The following LHX4 variants were observed in gnomAD, a reference collection of about 807,000 sequenced individuals.
LHX4 encodes LIM homeobox 4, also known as LIM/homeobox protein Lhx4.
Under a neutral mutation model 39.2 loss-of-function variants are expected in LHX4, and 16 were observed. The ratio of observed to expected loss-of-function variants is 0.41; its 90% CI spans 0.28 to 0.62. LHX4 has a LOEUF of 0.62. Among genes scored for constraint, LHX4 ranks in the 20% least tolerant of loss-of-function variants. LHX4 has a pLI of 0.33. For synonymous variants in LHX4, 206 were observed against 198.1 expected (o/e 1.04, Z -0.33); for missense variants, 439 against 511.9 (o/e 0.86, Z 1.37).
rs1339850290 is a variant in LHX4 at position 180,275,853 on chromosome 1, AG to A, written c.*1277del. On this transcript the variant is annotated 3_prime_UTR_variant, in exon 6 of 6. Transcript: ENST00000263726. ...AGAACTCTCTGGCCAGTGGTGGTGC[AG>A]GGACTCCCCGTTGTGCAGGTTTGCA... The A allele has an allele frequency of 6.6e-6, 1 of 152,230 alleles. No individual in the cohort carries two copies. Among genetic ancestry groups the A allele is most frequent in the Non-Finnish European group, 1.5e-5 (1 of 68,078 alleles). The allele number at this position is 152,230 out of a possible 1,614,324, so 9.4% of individuals were successfully genotyped here.
upstream of LHX4, among the ~76,000 whole-genome samples, chr1:180,229,972 G>GC (rs1558204981): frequency 1.8e-4 from 26 of 143,500 alleles, no homozygotes; most frequent in Non-Finnish European, 3.1e-4. Context: ...GGAGGGGGGG[G>GC]GGGTGCCGGC....
chr1:180,239,656 G>A (rs1354405004), intron 1 of LHX4, among the ~76,000 whole-genome samples: 4 of 152,240 alleles, frequency 2.6e-5, no homozygotes, highest in Non-Finnish European at 5.9e-5. Flanking sequence ...CAGAGTAAAA[G>A]AAGGTTTAGT....
At chr1:180,252,713 T>TG (rs1285896817) in intron 2 of LHX4, among the ~76,000 whole-genome samples, 1 of 152,036 alleles carries the variant, frequency 6.6e-6, no homozygotes, top group Non-Finnish European at 1.5e-5. Context: ...CCACTGGAGG[T>TG]GGGTAGTACC....
chr1:180,230,664 C>A lies in LHX4; in HGVS notation c.76+59C>A. The A allele has an allele frequency of 6.6e-7, 1 of 1,511,904 alleles. No homozygotes were observed. The highest frequency in any genetic ancestry group is 1.7e-5 in the Admixed American group (1 of 58,522). The allele number at this position is 1,511,904 out of a possible 1,614,324, so 93.7% of individuals were successfully genotyped here. On this transcript the variant is annotated intron_variant, in intron 1 of 5. Coordinates refer to ENST00000263726, the MANE Select transcript of LHX4 (RefSeq NM_033343.4). This position sits in a 1 kb window ranked among gnomAD's most constrained non-coding sequence, Gnocchi z 5.8. ...TAACAAGACAGCTAGCAGCCTCAGCCGCTGCGGGGCGGGCCGGACGCCGCT... is the reference window on the plus strand; with the variant it reads ...TAACAAGACAGCTAGCAGCCTCAGCAGCTGCGGGGCGGGCCGGACGCCGCT...
At chr1:180,274,058 G>C in intron 5 of LHX4, 127 bp from the exon 6 acceptor site, 10 of 1,197,100 alleles carry the variant, frequency 8.4e-6, no homozygotes, top group Admixed American at 1.7e-5. Context: ...TCTGACCCAT[G>C]CTTGGCTGCA....
At chr1:180,231,162 C>A (rs539407536) in intron 1 of LHX4, among the ~76,000 whole-genome samples, 15 of 151,954 alleles carry the variant, frequency 9.9e-5, no homozygotes, top group African/African-American at 3.4e-4. Context: ...CCGCCGCGTG[C>A]GCCGCGGGAA....
intron 2 of LHX4, among the ~76,000 whole-genome samples, chr1:180,255,270 A>G (rs956970135): frequency 9.9e-5 from 15 of 152,234 alleles, no homozygotes; most frequent in Admixed American, 3.9e-4. Context: ...TTGCTGAGCC[A>G]CTTATTATTT....
Position 180,274,662 on chromosome 1 carries a change from CG to C in LHX4, c.*84del. ...CAAAAGAGACTTGCCTTTTAAGGAT[CG>C]AAAGTACGCCAATGTGAATTTCCAT... On this transcript the variant is annotated 3_prime_UTR_variant, in exon 6 of 6. Coordinates refer to ENST00000263726, the MANE Select transcript of LHX4 (RefSeq NM_033343.4). 1 of 1,412,312 alleles carries C rather than the reference CG, an allele frequency of 7.1e-7. No individual in the cohort carries two copies. The highest frequency in any genetic ancestry group is 2.3e-5 in the Admixed American group (1 of 44,130). The allele number at this position is 1,412,312 out of a possible 1,614,324, so 87.5% of individuals were successfully genotyped here. A position where few individuals can be genotyped will look rare whatever the true frequency, so the allele number is the denominator to read the frequency against.
intron 2 of LHX4, among the ~76,000 whole-genome samples, chr1:180,264,339 C>G (rs182123377): frequency 9.4e-4 from 140 of 148,262 alleles, no homozygotes; most frequent in African/African-American, 3.4e-3. Context: ...TCTAGTAACA[C>G]ATGTGTAGGC....
chr1:180,267,724 T>G (rs1648382407), intron 3 of LHX4, among the ~76,000 whole-genome samples: 1 of 152,114 alleles, frequency 6.6e-6, no homozygotes, highest in Admixed American at 6.5e-5. Context: ...GAAAAAAAAT[T>G]AACAACAATT....
rs777438399 is a variant in LHX4 at position 180,234,169 on chromosome 1, T to TTA, written c.76+3615_76+3616dup. On this transcript the variant is annotated intron_variant, in intron 1 of 5. Transcript: ENST00000263726. This position sits in a 1 kb window ranked among gnomAD's most constrained non-coding sequence, Gnocchi z 4.8. ...AACAGACACACACAACACACACAAA[T>TTA]TATATATATATATATATATATATAT... Among the ~76,000 whole-genome samples, 548 of 53,284 alleles carry TTA rather than the reference T, an allele frequency of 0.01. 9 individuals carry two copies. Among genetic ancestry groups the TTA allele is most frequent in the Non-Finnish European group, 0.013 (365 of 28,288 alleles). 35.0% of individuals were successfully genotyped at this position (53,284 alleles called of 152,430 possible).
rs1648887085 is a variant in LHX4, at chr1:180,274,288, G to T, written c.882G>T (p.Gly294=). 6.2e-7 allele frequency: 1 copy of T among 1,614,230 alleles called. No homozygotes were observed. The highest frequency in any genetic ancestry group is 8.5e-7 in the Non-Finnish European group (1 of 1,180,044). ...TGAATGGGAGCTTCTCCATGGACGG[G>T]ACAGGACAATCCTATCAGGACTTGA... is the stretch of plus-strand genomic sequence containing the variant. ...QLMNGSFSMD[G]TGQSYQDLRD... Residue 294 remains glycine, a synonymous_variant, in exon 6 of 6, where the codon GGG becomes GGT. Coordinates refer to ENST00000263726, the MANE Select transcript of LHX4 (RefSeq NM_033343.4).
chr1:180,230,239 C>CG, upstream of LHX4: 3 of 461,428 alleles, frequency 6.5e-6, no homozygotes, highest in Non-Finnish European at 1.2e-5. This position sits in a 1 kb window ranked among gnomAD's most constrained non-coding sequence, Gnocchi z 5.8. Context: ...AAGGAGCGGG[C>CG]GGGGGAGGGA....
At chr1:180,254,951 G>A (rs1044716488) in intron 2 of LHX4, among the ~76,000 whole-genome samples, 1 of 152,190 alleles carries the variant, frequency 6.6e-6, no homozygotes, top group Non-Finnish European at 1.5e-5. Context: ...CGGGGTCCTG[G>A]GGTTGCTGGC....
At chr1:180,243,697 G>A (rs1432344854) in intron 1 of LHX4, among the ~76,000 whole-genome samples, 34 of 151,972 alleles carry the variant, frequency 2.2e-4, no homozygotes, top group Admixed American at 1.8e-3. Flanking sequence ...GCTGCTTCCC[G>A]CCCTCCTGTG....
At chr1:180,255,026 C>T (rs533408738) in intron 2 of LHX4, among the ~76,000 whole-genome samples, 8 of 152,224 alleles carry the variant, frequency 5.3e-5, no homozygotes, top group Non-Finnish European at 1.2e-4. Flanking sequence ...AGTGAGGAGC[C>T]GGCCTGCATT....
At chr1:180,258,288 T>TG (rs1647954043) in intron 2 of LHX4, among the ~76,000 whole-genome samples, 1 of 151,904 alleles carries the variant, frequency 6.6e-6, no homozygotes, top group Non-Finnish European at 1.5e-5. Flanking sequence ...TGCAGGTACC[T>TG]GGGGGGAGAG....
chr1:180,250,977 C>T (rs1250358615), intron 2 of LHX4, among the ~76,000 whole-genome samples: 1 of 152,156 alleles, frequency 6.6e-6, no homozygotes, highest in Non-Finnish European at 1.5e-5. Context: ...TGCCCCAAGC[C>T]CTGGCCCTCT....
chr1:180,250,892 A>G (rs7541555), intron 2 of LHX4, among the ~76,000 whole-genome samples: 51,350 of 152,080 alleles, frequency 0.34, 9,098 homozygotes, highest in Non-Finnish European at 0.38. Flanking sequence ...GGATCCCCAC[A>G]GGCCTATGAG....
Sources: gnomAD v4.1 joint callset for allele counts (sites outside exome capture counted in the v4.1 genomes callset) on GRCh38, gnomAD v4.1.1 for gene constraint, Gnocchi (gnomAD v3.1) non-coding constraint, MANE v1.5 for transcripts, NCBI Gene and HGNC (gene_info 2026-07-23, HGNC 2026-07-21) for gene names.